The following NEDD9 variants were observed in gnomAD, a reference collection of about 807,000 sequenced individuals.
NEDD9 encodes the protein enhancer of filamentation 1.
NEDD9 carries 26 observed loss-of-function variants against 76.6 expected under a neutral mutation model. The observed-to-expected ratio is 0.34, with a 90% CI of 0.25 to 0.47. The LOEUF (loss-of-function observed/expected upper bound fraction) is 0.47, where lower values mean the gene tolerates loss of function less well. Among genes scored for constraint, NEDD9 ranks in the 20% least tolerant of loss-of-function variants. The pLI is 1.00. For synonymous variants in NEDD9, 392 were observed against 414.2 expected, an observed-to-expected ratio of 0.95 and a Z score of 0.65; for missense variants, 937 against 1,058.5, an observed-to-expected ratio of 0.89 and a Z score of 1.59.
intron 1 of NEDD9, among the ~76,000 whole-genome samples, chr6:11,335,536 G>C (rs1187322788): frequency 6.6e-6 from 1 of 152,168 alleles, no homozygotes; most frequent in African/African-American, 2.4e-5. Flanking sequence ...AAAGTTGAGC[G>C]AATTGGGCTA....
chr6:11,209,539 T>C (rs539916652), intron 2 of NEDD9, among the ~76,000 whole-genome samples: 2 of 152,318 alleles, frequency 1.3e-5, no homozygotes, highest in African/African-American at 4.8e-5. Context: ...AAATAAACTC[T>C]GAGAAAGGAA....
chr6:11,360,546 G>A (rs1033261453), intron 1 of NEDD9, among the ~76,000 whole-genome samples: 1 of 140,656 alleles, frequency 7.1e-6, no homozygotes, highest in Non-Finnish European at 1.6e-5. Context: ...CTGATAGTGA[G>A]TGAGTTCTCA....
In NEDD9 at chr6:11,190,822, C is replaced by T. The variant is rs1234266202; in HGVS notation, c.1047G>A (p.Leu349=). 1 of 1,614,142 alleles carries T rather than the reference C, an allele frequency of 6.2e-7. No individual in the cohort carries two copies. Among genetic ancestry groups the T allele is most frequent in the Non-Finnish European group, 8.5e-7 (1 of 1,180,024 alleles). ...QERDGVYDVP[L]HNPPDAKGSR... ...AGCCTTTAGCATCTGGCGGGTTATG[C>T]AGAGGGACATCATAAACACCATCCC... Residue 349 remains leucine, a synonymous_variant, in exon 5 of 7, where the codon CTG becomes CTA. Transcript: ENST00000379446. The surrounding 1 kb of genome is among the most constrained non-coding windows in gnomAD (Gnocchi z 5.8).
chr6:11,323,551 C>G (rs73362891), intron 2 of NEDD9, among the ~76,000 whole-genome samples: 3 of 152,116 alleles, frequency 2.0e-5, no homozygotes, highest in African/African-American at 7.2e-5. Flanking sequence ...GGGGTTGCTA[C>G]TAGCATGCAG....
In NEDD9 at chr6:11,190,660, G is replaced by T. The variant is rs779539439; in HGVS notation, c.1209C>A (p.Phe403Leu). ...TCTCAATAGCTGTGTCTGGATCCAGGAAGAGCCTTTTGTCCTGAGCTGGGG... is the reference window on the plus strand; with the variant it reads ...TCTCAATAGCTGTGTCTGGATCCAGTAAGAGCCTTTTGTCCTGAGCTGGGG... ...SASPAQDKRL[F>L]LDPDTAIERL... The change falls in exon 5 of 7, where the codon TTC becomes TTA. Residue 403 changes from phenylalanine to leucine, a missense_variant. Coordinates refer to ENST00000379446, the MANE Select transcript of NEDD9 (RefSeq NM_006403.4). This position sits in a 1 kb window ranked among gnomAD's most constrained non-coding sequence, Gnocchi z 5.8. 6.2e-6 allele frequency: 10 copies of T among 1,614,058 alleles called. No individual in the cohort carries two copies. The highest frequency in any genetic ancestry group is 5.1e-6 in the Non-Finnish European group (6 of 1,180,036).
intron 2 of NEDD9, among the ~76,000 whole-genome samples, chr6:11,210,094 G>T (rs1758731877): frequency 6.6e-6 from 1 of 151,270 alleles, no homozygotes; most frequent in Non-Finnish European, 1.5e-5. Context: ...ATCATAATCA[G>T]ATTGGAGCAT....
intron 1 of NEDD9, among the ~76,000 whole-genome samples, chr6:11,362,260 T>G (rs1159512770): frequency 6.6e-6 from 1 of 152,178 alleles, no homozygotes; most frequent in African/African-American, 2.4e-5. Flanking sequence ...GGCACCCTAT[T>G]TCAGAATGTT....
chr6:11,260,581 T>G (rs186918095), intron 3 of NEDD9, among the ~76,000 whole-genome samples: 3 of 152,322 alleles, frequency 2.0e-5, no homozygotes, highest in African/African-American at 7.2e-5. Context: ...AGGTGATGAC[T>G]TCTCATCCCA....
chr6:11,209,698 G>A (rs376275582), intron 2 of NEDD9, among the ~76,000 whole-genome samples: 7 of 152,280 alleles, frequency 4.6e-5, no homozygotes, highest in Non-Finnish European at 1.0e-4. Context: ...AAACCAAGGC[G>A]TAGAGATGGT....
Position 11,362,660 on chromosome 6 carries a change from C to T in NEDD9, c.-214+19479G>A, listed in dbSNP as rs369320896. ...TATTTGTGTAGGTGTCAAAATCTGG[C>T]ACTGCGTTGACTATAGTCATCCAGG... On this transcript the variant is annotated intron_variant, in intron 1 of 3. Transcript: ENST00000397378. Among the ~76,000 whole-genome samples, 23 of 152,318 alleles carry T rather than the reference C, an allele frequency of 1.5e-4. No individual in the cohort carries two copies. The East Asian group carries it at 4.2e-3, about 28-fold the overall frequency.
intron 3 of NEDD9, among the ~76,000 whole-genome samples, chr6:11,287,630 C>T (rs149998463): frequency 3.9e-4 from 60 of 152,212 alleles, no homozygotes; most frequent in Middle Eastern, 3.4e-3. Flanking sequence ...TCCCCTTCAT[C>T]CATTCTCCTC....
intron 3 of NEDD9, among the ~76,000 whole-genome samples, chr6:11,249,694 T>C (rs755090977): frequency 3.3e-5 from 5 of 152,212 alleles, no homozygotes; most frequent in Non-Finnish European, 7.3e-5. Flanking sequence ...TAGGTAAATA[T>C]GTACAGTAGA....
rs571210022 is a variant in NEDD9, at chr6:11,215,304, A to G, written c.13-1577T>C. On this transcript the variant is annotated intron_variant, in intron 1 of 6. Coordinates refer to ENST00000379446, the MANE Select transcript of NEDD9 (RefSeq NM_006403.4). Reference sequence around the variant, plus strand: ...ACAGTTATGAGATCCAGGAAGTGTGAGACACAGAGAGGTGAGCGGCCAGGG... The same window carrying G: ...ACAGTTATGAGATCCAGGAAGTGTGGGACACAGAGAGGTGAGCGGCCAGGG... 3.9e-5 allele frequency among the ~76,000 whole-genome samples: 6 copies of G among 152,306 alleles called. 2 individuals carry two copies. Among genetic ancestry groups the G allele is most frequent in the African/African-American group, 1.4e-4 (6 of 41,578 alleles).
chr6:11,273,658 T>C (rs1760359944), intron 3 of NEDD9, among the ~76,000 whole-genome samples: 2 of 152,178 alleles, frequency 1.3e-5, no homozygotes, highest in African/African-American at 2.4e-5. Context: ...TGTGAGTCAA[T>C]GTTATCAAGA....
chr6:11,239,197 A>G (rs1397738742), intron 3 of NEDD9, among the ~76,000 whole-genome samples: 4 of 152,040 alleles, frequency 2.6e-5, no homozygotes, highest in African/African-American at 4.8e-5. Flanking sequence ...AAATCTGCAT[A>G]TGCTCTCTAG....
chr6:11,294,006 A>AGTGTGT (rs57803150), intron 3 of NEDD9, among the ~76,000 whole-genome samples: 2,899 of 151,032 alleles, frequency 0.019, 88 homozygotes, highest in African/African-American at 0.062. Flanking sequence ...CCATTGTGTA[A>AGTGTGT]GTGTGTGTGT....
chr6:11,318,440 G>A (rs1386584705), intron 2 of NEDD9, among the ~76,000 whole-genome samples: 1 of 152,068 alleles, frequency 6.6e-6, no homozygotes, highest in African/African-American at 2.4e-5. Context: ...GGAGACGGCG[G>A]GTCACTGCAT....
At chr6:11,225,290 T>C (rs958874814) in intron 1 of NEDD9, among the ~76,000 whole-genome samples, 22 of 152,208 alleles carry the variant, frequency 1.4e-4, no homozygotes, top group Non-Finnish European at 1.3e-4. Flanking sequence ...CATATAACTA[T>C]TACCTTGATA....
chr6:11,196,620 A>G (rs1193550561), intron 2 of NEDD9, among the ~76,000 whole-genome samples: 1 of 151,972 alleles, frequency 6.6e-6, no homozygotes, highest in Non-Finnish European at 1.5e-5. Flanking sequence ...CAAACCAGTC[A>G]TTTTCCTTGT....
Sources: allele counts gnomAD v4.1 joint callset (sites outside exome capture counted in the v4.1 genomes callset), GRCh38; gene constraint gnomAD v4.1.1; non-coding constraint Gnocchi (gnomAD v3.1); transcripts MANE v1.5; gene names NCBI Gene and HGNC (gene_info 2026-07-23, HGNC 2026-07-21).